Variants in ETFA observed in about 807,000 individuals in gnomAD.
ETFA encodes electron transfer flavoprotein subunit alpha.
Under a neutral mutation model 46.2 loss-of-function variants are expected in ETFA, and 22 were observed. The ratio of observed to expected loss-of-function variants is 0.48; its 90% CI spans 0.34 to 0.68. The LOEUF (loss-of-function observed/expected upper bound fraction) is 0.68, where lower values mean the gene tolerates loss of function less well. Ranked by LOEUF, ETFA falls within the 30% of genes least tolerant of loss-of-function variation. The probability of loss-of-function intolerance (pLI) is 0.01; values close to 1 mark genes in which losing one functional copy is unlikely to be tolerated. For synonymous variants in ETFA, 131 were observed against 139.9 expected (o/e 0.94, Z 0.45); for missense variants, 345 against 401.1 (o/e 0.86, Z 1.19).
chr15:76,271,169 CAAA>C (rs35403723), intron 9 of ETFA, among the ~76,000 whole-genome samples: 4 of 57,526 alleles, frequency 7.0e-5, no homozygotes, highest in Non-Finnish European at 1.2e-4. Flanking sequence ...GACTATGTCT[CAAA>C]AAAAAAAAAA....
chr15:76,227,200 C>T (rs1437924195), intron 10 of ETFA, among the ~76,000 whole-genome samples: 1 of 152,034 alleles, frequency 6.6e-6, no homozygotes, highest in African/African-American at 2.4e-5. Flanking sequence ...GCGTTCAAGA[C>T]CAGCCTGCGC....
intron 9 of ETFA, 36 bp downstream of exon 9, chr15:76,274,376 A>G: frequency 1.4e-6 from 2 of 1,462,502 alleles, no homozygotes; most frequent in Non-Finnish European, 1.9e-6. Flanking sequence ...TTATCCCCAT[A>G]ACATTTTACA....
At chr15:76,295,199 C>A (rs2039805620) in intron 2 of ETFA, among the ~76,000 whole-genome samples, 1 of 152,144 alleles carries the variant, frequency 6.6e-6, no homozygotes, top group Non-Finnish European at 1.5e-5. Context: ...ATTCTTCTAC[C>A]AATTAAAAAT....
At chr15:76,238,094 TTA>T (rs2068097470) in intron 9 of ETFA, among the ~76,000 whole-genome samples, 1 of 152,122 alleles carries the variant, frequency 6.6e-6, no homozygotes, top group South Asian at 2.1e-4. Flanking sequence ...GAAGTTGAAA[TTA>T]TGTGAGTTTA....
Position 76,219,997 on chromosome 15 carries a change from T to C in ETFA, c.964-3400A>G, listed in dbSNP as rs142489538. Among the ~76,000 whole-genome samples, 420 of 152,334 alleles carry C rather than the reference T, an allele frequency of 2.8e-3. 1 individual carries two copies. Among genetic ancestry groups the C allele is most frequent in the African/African-American group, 9.5e-3 (396 of 41,586 alleles). The stretch of plus-strand genomic sequence containing the variant: ...CTCCTAGTTATATACCCAAAAGAAC[T>C]GAAAGCAGGGGCTTGAGCAGATACT... On this transcript the variant is annotated intron_variant, in intron 11 of 11. Coordinates refer to ENST00000557943, the MANE Select transcript of ETFA (RefSeq NM_000126.4).
chr15:76,238,859 C>T (rs932833093), intron 9 of ETFA, among the ~76,000 whole-genome samples: 1 of 152,166 alleles, frequency 6.6e-6, no homozygotes, highest in Non-Finnish European at 1.5e-5. Context: ...ATCTGTGGCT[C>T]TTTTCTCAAA....
At chr15:76,224,753 A>G (rs905899953) in intron 11 of ETFA, among the ~76,000 whole-genome samples, 2 of 152,120 alleles carry the variant, frequency 1.3e-5, no homozygotes, top group Non-Finnish European at 2.9e-5. Flanking sequence ...GTTGGATGCT[A>G]TTTTCAGAGT....
At chr15:76,260,068 A>G (rs1040310993) in intron 9 of ETFA, 13 of 1,498,918 alleles carry the variant, frequency 8.7e-6, no homozygotes, top group African/African-American at 1.4e-5. Context: ...CTTCATAGCC[A>G]CTTTCACAAA....
At chr15:76,227,515 C>CAA (rs55873344) in intron 10 of ETFA, among the ~76,000 whole-genome samples, 4 of 80,330 alleles carry the variant, frequency 5.0e-5, no homozygotes, top group African/African-American at 1.2e-4. Context: ...GACTCTGTCT[C>CAA]AAAAAAAAAA....
At chr15:76,274,545 G>T in intron 8 of ETFA, 51 bp from the exon 9 acceptor site, 1 of 1,383,516 alleles carries the variant, frequency 7.2e-7, no homozygotes, top group Non-Finnish European at 1.0e-6. Flanking sequence ...TATTCAGCTA[G>T]TTAGGATATT....
intron 11 of ETFA, among the ~76,000 whole-genome samples, chr15:76,218,755 T>A (rs2038924953): frequency 6.6e-6 from 1 of 152,170 alleles, no homozygotes; most frequent in Admixed American, 6.5e-5. Flanking sequence ...GTCACTTAAG[T>A]TTTTTTAAAA....
At chr15:76,299,282 TTTC>T (rs1382503763) in intron 1 of ETFA, among the ~76,000 whole-genome samples, 3 of 152,102 alleles carry the variant, frequency 2.0e-5, no homozygotes, top group East Asian at 1.9e-4. Flanking sequence ...TCTCCTGATG[TTTC>T]TTCTTTTTCT....
At chr15:76,232,939 C>A (rs1373193837) in intron 9 of ETFA, among the ~76,000 whole-genome samples, 3 of 152,224 alleles carry the variant, frequency 2.0e-5, no homozygotes, top group South Asian at 2.1e-4. Flanking sequence ...AAGTGTCCAA[C>A]TGCTCCTAGA....
At chr15:76,245,354 T>C (rs773863847) in intron 9 of ETFA, 7 of 152,226 alleles carry the variant, frequency 4.6e-5, no homozygotes, top group Non-Finnish European at 1.0e-4. Flanking sequence ...GAGCATCAAT[T>C]TGTGAACACA....
At chr15:76,248,890 A>T (rs1384430821) in intron 9 of ETFA, among the ~76,000 whole-genome samples, 1 of 152,046 alleles carries the variant, frequency 6.6e-6, no homozygotes, top group Non-Finnish European at 1.5e-5. Flanking sequence ...AAATAAAAAA[A>T]AAAAATTCCA....
intron 9 of ETFA, among the ~76,000 whole-genome samples, chr15:76,250,691 C>G (rs2039289966): frequency 6.6e-6 from 1 of 151,836 alleles, no homozygotes; most frequent in Non-Finnish European, 1.5e-5. Context: ...TGCCACCACA[C>G]CCAACTAAAT....
chr15:76,309,039 A>T (rs898964373), intron 1 of ETFA, among the ~76,000 whole-genome samples: 1 of 152,248 alleles, frequency 6.6e-6, no homozygotes, highest in African/African-American at 2.4e-5. Context: ...TTCAAAATTT[A>T]AAAAGTTAAA....
intron 11 of ETFA, among the ~76,000 whole-genome samples, chr15:76,221,174 A>G (rs2142104413): frequency 6.6e-6 from 1 of 152,378 alleles, no homozygotes; most frequent in South Asian, 2.1e-4. Flanking sequence ...AACACAGGCT[A>G]TAACATGGAT....
chr15:76,261,252 G>C, intron 9 of ETFA: 4 of 1,570,302 alleles, frequency 2.5e-6, no homozygotes, highest in Non-Finnish European at 1.8e-6. Flanking sequence ...AAGGGGCATT[G>C]GGTGGCACTG....
Sources: allele counts gnomAD v4.1 joint callset (sites outside exome capture counted in the v4.1 genomes callset), GRCh38; gene constraint gnomAD v4.1.1; transcripts MANE v1.5; gene names NCBI Gene and HGNC (gene_info 2026-07-23, HGNC 2026-07-21).